The following DDX4 variants were observed in gnomAD, a reference collection of about 807,000 sequenced individuals.
The protein encoded by DDX4 is DEAD-box helicase 4, also known as probable ATP-dependent RNA helicase DDX4.
DDX4 carries 25 observed loss-of-function variants against 100.0 expected under a neutral mutation model. That is an observed-to-expected ratio of 0.25 (90% CI 0.18 to 0.35). DDX4 has a LOEUF of 0.35. Among genes scored for constraint, DDX4 ranks in the 10% least tolerant of loss-of-function variants. The pLI is 1.00. For missense variants in DDX4, 635 were observed against 882.4 expected (o/e 0.72, Z 3.55); for synonymous variants, 259 against 275.7 (o/e 0.94, Z 0.60).
intron 3 of DDX4, among the ~76,000 whole-genome samples, chr5:55,752,596 G>T (rs555692835): frequency 6.8e-6 from 1 of 146,234 alleles, no homozygotes; most frequent in East Asian, 2.0e-4. Flanking sequence ...TTGGACATTT[G>T]GGTTGGTTCC....
At chr5:55,790,469 G>T in intron 15 of DDX4, 107 bp from the exon 16 acceptor site, 1 of 786,940 alleles carries the variant, frequency 1.3e-6, no homozygotes, top group Non-Finnish European at 2.1e-6. Context: ...TTTTTAGATA[G>T]TTGAATGTTT....
At chr5:55,806,133 T>G (rs1335313203) in intron 18 of DDX4, among the ~76,000 whole-genome samples, 3 of 152,252 alleles carry the variant, frequency 2.0e-5, no homozygotes, top group Non-Finnish European at 4.4e-5. Flanking sequence ...TAGCATTCTC[T>G]GATGGTAGTT....
At chr5:55,763,919 C>T in intron 5 of DDX4, 95 bp from the exon 6 acceptor site, 1 of 830,480 alleles carries the variant, frequency 1.2e-6, no homozygotes, top group African/African-American at 1.7e-5. Flanking sequence ...TTGTGTATCG[C>T]TTATCTTAGA....
At chr5:55,760,300 A>C (rs1740443684) in intron 4 of DDX4, 23 bp downstream of exon 4, 1 of 1,539,758 alleles carries the variant, frequency 6.5e-7, no homozygotes, top group Admixed American at 2.3e-5. Context: ...GTCTTTCCTT[A>C]ATCTCCTGAA....
chr5:55,796,823 C>CTTTTTTTTTTTTTTTTTTTTTTTTCTTTT (rs1742981997), intron 17 of DDX4, among the ~76,000 whole-genome samples: 1 of 59,936 alleles, frequency 1.7e-5, no homozygotes. Context: ...TTCTTTCTTT[C>CTTTTTTTTTTTTTTTTTTTTTTTTCTTTT]TTTTTTTTTT....
chr5:55,813,841 A>T, intron 19 of DDX4, 69 bp downstream of exon 19: 1 of 1,420,564 alleles, frequency 7.0e-7, no homozygotes. Flanking sequence ...ACATCAGTTT[A>T]TATAACTAAT....
In DDX4 at chr5:55,792,772, T is replaced by G. The variant is rs1315044312; in HGVS notation, c.1434T>G (p.Leu478=). 1.5e-5 allele frequency: 23 copies of G among 1,504,984 alleles called. No homozygotes were observed. The highest frequency in any genetic ancestry group is 2.0e-5 in the Non-Finnish European group (23 of 1,125,208). The allele number at this position is 1,504,984 out of a possible 1,614,324, so 93.2% of individuals were successfully genotyped here. The change falls in exon 17 of 22, where the codon CTT becomes CTG. Residue 478 remains leucine, a synonymous_variant. Transcript: ENST00000505374. ...CATCAAAGGAACAGCGCCAAACCCTTATGTTCAGTGCAACTTTTCCAGAGG... is the reference window on the plus strand; with the variant it reads ...CATCAAAGGAACAGCGCCAAACCCTGATGTTCAGTGCAACTTTTCCAGAGG... ...GMPSKEQRQT[L]MFSATFPEEI... is the part of the protein sequence containing the mutation.
At chr5:55,805,943 C>T (rs929686304) in intron 18 of DDX4, among the ~76,000 whole-genome samples, 2 of 152,158 alleles carry the variant, frequency 1.3e-5, no homozygotes, top group Non-Finnish European at 2.9e-5. Flanking sequence ...AGCTGTGAAT[C>T]CATCTGGTCC....
chr5:55,808,556 G>C (rs1435933037), intron 18 of DDX4, among the ~76,000 whole-genome samples: 5 of 152,228 alleles, frequency 3.3e-5, no homozygotes, highest in Non-Finnish European at 7.3e-5. Context: ...TCAGCTGCAG[G>C]TCTGTTGGAG....
chr5:55,793,537 T>C lies in DDX4; in HGVS notation c.1469+730T>C, dbSNP rs533642111. 3.3e-5 allele frequency among the ~76,000 whole-genome samples: 5 copies of C among 152,358 alleles called. No homozygotes were observed. In the South Asian group the frequency reaches 1.0e-3, roughly 32 times the overall value. On this transcript the variant is annotated intron_variant, in intron 17 of 21. Coordinates refer to ENST00000505374, the MANE Select transcript of DDX4 (RefSeq NM_024415.3). The stretch of plus-strand genomic sequence containing the variant: ...ATCTGTAATTCAGCAGGACTCTTGC[T>C]ATTTTCTCTAGTGGAACTGCGTTCT...
chr5:55,774,650 G>A (rs1401925412), intron 7 of DDX4, among the ~76,000 whole-genome samples: 1 of 152,042 alleles, frequency 6.6e-6, no homozygotes, highest in African/African-American at 2.4e-5. Flanking sequence ...TATAGTTTTA[G>A]TTCTTACACT....
chr5:55,756,662 A>G (rs188228412), intron 3 of DDX4, among the ~76,000 whole-genome samples: 17 of 152,106 alleles, frequency 1.1e-4, no homozygotes, highest in Admixed American at 7.2e-4. Flanking sequence ...TTCTTGTTCA[A>G]TATTTGAGCC....
intron 3 of DDX4, among the ~76,000 whole-genome samples, chr5:55,753,076 G>C (rs1459466990): frequency 6.6e-6 from 1 of 151,876 alleles, no homozygotes; most frequent in Non-Finnish European, 1.5e-5. Flanking sequence ...TGTAGATTCT[G>C]GATATTAGCC....
At chr5:55,748,351 C>T (rs1357071265) in intron 3 of DDX4, among the ~76,000 whole-genome samples, 1 of 152,082 alleles carries the variant, frequency 6.6e-6, no homozygotes, top group Non-Finnish European at 1.5e-5. Context: ...GCTGTGTAAT[C>T]AGGAGAAACC....
chr5:55,815,444 G>T, intron 21 of DDX4, 21 bp downstream of exon 21: 1 of 1,595,722 alleles, frequency 6.3e-7, no homozygotes, highest in Non-Finnish European at 8.5e-7. Context: ...AGGAAAACTT[G>T]AGAACTTGTC....
chr5:55,753,168 T>G (rs543849135), intron 3 of DDX4, among the ~76,000 whole-genome samples: 306 of 152,336 alleles, frequency 2.0e-3, no homozygotes, highest in Admixed American at 3.2e-3. Context: ...TCTTTTGCTG[T>G]GCAGAAGCTC....
chr5:55,753,457 G>C (rs1245760695), intron 3 of DDX4, among the ~76,000 whole-genome samples: 1 of 152,056 alleles, frequency 6.6e-6, no homozygotes, highest in African/African-American at 2.4e-5. Flanking sequence ...GTTTTTCTCA[G>C]GTTTGTCAAA....
chr5:55,740,672 A>ATTTT (rs11294945), intron 2 of DDX4, among the ~76,000 whole-genome samples: 3 of 113,628 alleles, frequency 2.6e-5, no homozygotes, highest in Non-Finnish European at 3.6e-5. Context: ...CGCCCCGCTA[A>ATTTT]TTTTTTTTTT....
At chr5:55,784,012 C>T (rs938212682) in intron 10 of DDX4, among the ~76,000 whole-genome samples, 2 of 152,014 alleles carry the variant, frequency 1.3e-5, no homozygotes, top group Non-Finnish European at 2.9e-5. Flanking sequence ...CCAACAGGCC[C>T]TGGTATGTGA....
Sources: gnomAD v4.1 joint callset for allele counts (sites outside exome capture counted in the v4.1 genomes callset) on GRCh38, gnomAD v4.1.1 for gene constraint, MANE v1.5 for transcripts, NCBI Gene and HGNC (gene_info 2026-07-23, HGNC 2026-07-21) for gene names.